The following TRHDE variants were observed in gnomAD, a reference collection of about 807,000 sequenced individuals.
TRHDE encodes the protein thyrotropin releasing hormone degrading enzyme, also known as thyrotropin-releasing hormone-degrading ectoenzyme.
A neutral mutation model predicts 125.7 loss-of-function variants in TRHDE; 72 were observed. The observed-to-expected ratio is 0.57, with a 90% CI of 0.47 to 0.70. The LOEUF (loss-of-function observed/expected upper bound fraction) is 0.70. Among genes scored for constraint, TRHDE ranks in the 30% least tolerant of loss-of-function variants. The probability of loss-of-function intolerance (pLI) is 0.00; values close to 1 mark genes in which losing one functional copy is unlikely to be tolerated. For synonymous variants in TRHDE, 509 were observed against 509.1 expected (o/e 1.00, Z 0.00); for missense variants, 1,110 against 1,327.1 (o/e 0.84, Z 2.54).
intron 2 of TRHDE, chr12:72,256,239 A>G (rs1437677335): frequency 2.0e-5 from 3 of 151,686 alleles, no homozygotes; most frequent in Non-Finnish European, 2.9e-5. Flanking sequence ...GCTCCCCATT[A>G]TTTTTCCAAC....
At chr12:72,511,436 A>C (rs1418249787) in intron 6 of TRHDE, among the ~76,000 whole-genome samples, 2 of 152,168 alleles carry the variant, frequency 1.3e-5, no homozygotes, top group Admixed American at 1.3e-4. Flanking sequence ...ATACCTATTA[A>C]ACATCATCAA....
chr12:72,090,900 C>A (rs1874775515), intron 1 of TRHDE, among the ~76,000 whole-genome samples: 1 of 151,616 alleles, frequency 6.6e-6, no homozygotes, highest in Non-Finnish European at 1.5e-5. Flanking sequence ...TGTCCCCAGG[C>A]TGAATCTGTC....
At chr12:72,348,798 G>A (rs1739772022) in intron 2 of TRHDE, among the ~76,000 whole-genome samples, 2 of 152,038 alleles carry the variant, frequency 1.3e-5, no homozygotes, top group Admixed American at 1.3e-4. Flanking sequence ...AGATGGCCAT[G>A]AAAATAACCA....
At chr12:72,191,734 C>G (rs2139349101) in intron 2 of TRHDE, among the ~76,000 whole-genome samples, 1 of 152,028 alleles carries the variant, frequency 6.6e-6, no homozygotes. Context: ...GGTAAACTAG[C>G]AATAATAAAA....
Position 72,653,156 on chromosome 12 carries a change from G to C in TRHDE, c.2984G>C (p.Arg995Thr), listed in dbSNP as rs1156801941. Residue 995 changes from arginine (R) to threonine (T), a missense_variant and splice_region_variant, in exon 17 of 19, where the codon AGG becomes ACG. Around this residue, in one of 5 missense-constraint regions of TRHDE, gnomAD observed 527 missense variants for 651.8 expected, o/e 0.81. Transcript: ENST00000261180. ...GATAAATGGAAGATATTAAATACCA[G>C]GTAGAAATTAGAATTCTTACTTGAA... is the stretch of plus-strand genomic sequence containing the variant. ...FRDKWKILNT[R>T]YGEALFMNSK... 1.2e-6 allele frequency: 2 copies of C among 1,603,806 alleles called. No homozygotes were observed. The highest frequency in any genetic ancestry group is 1.3e-5 in the African/African-American group (1 of 74,348).
chr12:72,180,014 T>G (rs1337405243), intron 2 of TRHDE, among the ~76,000 whole-genome samples: 1 of 151,794 alleles, frequency 6.6e-6, no homozygotes, highest in Non-Finnish European at 1.5e-5. Flanking sequence ...AAATAATTAC[T>G]ATTAATAATT....
Position 72,618,911 on chromosome 12 carries a change from A to G in TRHDE, c.2342A>G (p.Asn781Ser), listed in dbSNP as rs771489696. 4 of 1,554,604 alleles carry G rather than the reference A, an allele frequency of 2.6e-6. No homozygotes were observed. Among genetic ancestry groups the G allele is most frequent in the Non-Finnish European group, 3.5e-6 (4 of 1,153,684 alleles). Residue 781 changes from asparagine to serine, a missense_variant, in exon 13 of 19, where the codon AAT becomes AGT. Physicochemically the swap from Asn to Ser is conservative, Grantham distance 46 (BLOSUM62 1). Transcript: ENST00000261180. ...SLARAGYLPQ[N>S]IPLEIIRYLS... ...TGTAGGGCTGGCTATTTGCCTCAGA[A>G]TATTCCTCTGGAGATTATCAGATAC... is the stretch of plus-strand genomic sequence containing the variant.
At chr12:72,194,120 A>G (rs978711227) in intron 2 of TRHDE, among the ~76,000 whole-genome samples, 2 of 152,138 alleles carry the variant, frequency 1.3e-5, no homozygotes, top group African/African-American at 4.8e-5. Context: ...TTCTAGCCAT[A>G]CATGTGATAG....
At chr12:72,334,962 GT>G (rs1869764618) in intron 2 of TRHDE, among the ~76,000 whole-genome samples, 1 of 152,112 alleles carries the variant, frequency 6.6e-6, no homozygotes, top group Admixed American at 6.5e-5. Context: ...TCACTTTTAA[GT>G]TCGCAGGCAA....
At chr12:72,141,123 C>T (rs1408937940) in intron 2 of TRHDE, among the ~76,000 whole-genome samples, 1 of 151,906 alleles carries the variant, frequency 6.6e-6, no homozygotes, top group African/African-American at 2.4e-5. Context: ...ATATAAGGCA[C>T]CTTGTATTTT....
intron 1 of TRHDE, among the ~76,000 whole-genome samples, chr12:72,277,662 AC>A (rs748897743): frequency 1.1e-4 from 17 of 152,222 alleles, no homozygotes; most frequent in Non-Finnish European, 2.4e-4. Context: ...CCACCAGTAA[AC>A]CGTATCTAGA....
chr12:72,598,336 T>C (rs532409721), intron 12 of TRHDE, among the ~76,000 whole-genome samples: 2 of 152,330 alleles, frequency 1.3e-5, no homozygotes, highest in South Asian at 4.1e-4. Context: ...AGTAGATAGT[T>C]TTGCCACATA....
chr12:72,278,331 C>A (rs762182531), intron 1 of TRHDE, among the ~76,000 whole-genome samples: 2 of 152,116 alleles, frequency 1.3e-5, no homozygotes, highest in Non-Finnish European at 2.9e-5. Context: ...CTTTATCCAT[C>A]CATTCATTGA....
intron 2 of TRHDE, among the ~76,000 whole-genome samples, chr12:72,267,320 C>T (rs977148638): frequency 7.2e-5 from 11 of 152,044 alleles, no homozygotes; most frequent in Non-Finnish European, 1.3e-4. Flanking sequence ...AGCATGAGAA[C>T]CCCTCAAATA....
chr12:72,499,188 CATT>C (rs1353372689), intron 5 of TRHDE, among the ~76,000 whole-genome samples: 4 of 152,132 alleles, frequency 2.6e-5, no homozygotes, highest in African/African-American at 7.2e-5. Flanking sequence ...TGCATCTTCT[CATT>C]GTTGTTATTG....
Position 72,454,314 on chromosome 12 carries a change from G to T in TRHDE, c.1316-15444G>T, listed in dbSNP as rs376633337. Among the ~76,000 whole-genome samples the T allele has an allele frequency of 3.9e-5, 6 of 152,092 alleles. No homozygotes were observed. The South Asian group carries it at 1.2e-3, about 32-fold the overall frequency. The stretch of plus-strand genomic sequence containing the variant: ...TGTTAACTCCAATCTAATATTTTTT[G>T]CAGGAATCTTTTTAAGCTGTCTATT... On this transcript the variant is annotated intron_variant, in intron 3 of 18. Transcript: ENST00000261180.
At chr12:72,647,048 C>T (rs1246794733) in intron 15 of TRHDE, among the ~76,000 whole-genome samples, 1 of 152,030 alleles carries the variant, frequency 6.6e-6, no homozygotes, top group Admixed American at 6.6e-5. Context: ...ATATAACTTT[C>T]TCCAAGTTGG....
intron 2 of TRHDE, among the ~76,000 whole-genome samples, chr12:72,177,244 G>A (rs1266476012): frequency 3.3e-5 from 5 of 152,194 alleles, no homozygotes; most frequent in East Asian, 3.9e-4. Flanking sequence ...AGTACCAAAC[G>A]TGGAAGGCTC....
At chr12:72,215,012 G>A (rs542666645) in intron 2 of TRHDE, among the ~76,000 whole-genome samples, 1 of 152,248 alleles carries the variant, frequency 6.6e-6, no homozygotes, top group African/African-American at 2.4e-5. Flanking sequence ...TGCATTGCAT[G>A]TGGTCCGTGT....
Sources: gnomAD v4.1 joint callset for allele counts (sites outside exome capture counted in the v4.1 genomes callset) on GRCh38, gnomAD v4.1.1 for gene constraint, gnomAD v4.1.1 regional missense constraint, MANE v1.5 for transcripts, NCBI Gene and HGNC (gene_info 2026-07-23, HGNC 2026-07-21) for gene names.